Variants in RIN2 observed in about 807,000 individuals in gnomAD.
The protein encoded by RIN2 is RAB5 interacting protein 2.
A neutral mutation model predicts 78.0 loss-of-function variants in RIN2; 36 were observed. The observed-to-expected ratio is 0.46, with a 90% CI of 0.35 to 0.61. The LOEUF is 0.61. Among genes scored for constraint, RIN2 ranks in the 20% least tolerant of loss-of-function variants. RIN2 has a pLI of 0.00. For synonymous variants in RIN2, 466 were observed against 466.8 expected, an observed-to-expected ratio of 1.00 and a Z score of 0.02; for missense variants, 1,087 against 1,159.7, an observed-to-expected ratio of 0.94 and a Z score of 0.91.
rs140253219 is a variant in RIN2 at position 19,865,004 on chromosome 20, C to T, written c.-36-24562C>T. ...TCTCTTTTAAGTATCTGAAAGACTA[C>T]CTGAAAAACCTGAATTAGCTTATCC... On this transcript the variant is annotated intron_variant, in intron 2 of 12. Coordinates refer to ENST00000255006, the MANE Select transcript of RIN2 (RefSeq NM_018993.4). Among the ~76,000 whole-genome samples, 812 of 152,224 alleles carry T rather than the reference C, an allele frequency of 5.3e-3. 5 individuals carry two copies. Among genetic ancestry groups the T allele is most frequent in the Middle Eastern group, 0.037 (11 of 294 alleles).
intron 4 of RIN2, among the ~76,000 whole-genome samples, chr20:19,947,674 T>G (rs2041148892): frequency 2.0e-5 from 3 of 152,254 alleles, no homozygotes; most frequent in Non-Finnish European, 4.4e-5. Flanking sequence ...GTCTAGGAGA[T>G]TCCCGGAAAC....
intron 2 of RIN2, among the ~76,000 whole-genome samples, chr20:19,888,743 C>T (rs559757334): frequency 1.4e-3 from 218 of 152,334 alleles, no homozygotes; most frequent in African/African-American, 5.1e-3. Flanking sequence ...TCCCCCAGGC[C>T]CCCCTCAATG....
At chr20:19,810,173 T>C (rs1407088160) in intron 2 of RIN2, among the ~76,000 whole-genome samples, 1 of 148,398 alleles carries the variant, frequency 6.7e-6, no homozygotes, top group Non-Finnish European at 1.5e-5. Context: ...CCAAGGCAGG[T>C]GGATTTCTTG....
intron 2 of RIN2, among the ~76,000 whole-genome samples, chr20:19,885,761 C>A (rs1361022640): frequency 6.6e-6 from 1 of 150,668 alleles, no homozygotes; most frequent in Admixed American, 6.6e-5. Context: ...GCACTCAGAA[C>A]AAAAAAAAGC....
rs759945760 is a variant in RIN2 at position 19,975,834 on chromosome 20, C to G, written c.1762+47C>G. The G allele has an allele frequency of 8.0e-6, 12 of 1,500,542 alleles. No homozygotes were observed. Among genetic ancestry groups the G allele is most frequent in the South Asian group, 1.2e-5 (1 of 83,240 alleles). The allele number at this position is 1,500,542 out of a possible 1,614,324, so 93.0% of individuals were successfully genotyped here. A position where few individuals can be genotyped will look rare whatever the true frequency, so the allele number is the denominator to read the frequency against. On this transcript the variant is annotated intron_variant, in intron 9 of 12. Coordinates refer to ENST00000255006, the MANE Select transcript of RIN2 (RefSeq NM_018993.4). The surrounding 1 kb of genome is among the most constrained non-coding windows in gnomAD (Gnocchi z 4.9). ...ATATAAAATCTATTGTAACTCTGTC[C>G]GGGCAGTGCAACCTATGTTTGTTAT... is the stretch of plus-strand genomic sequence containing the variant.
intron 2 of RIN2, among the ~76,000 whole-genome samples, chr20:19,843,787 A>G (rs2036652448): frequency 6.6e-6 from 1 of 152,238 alleles, no homozygotes; most frequent in South Asian, 2.1e-4. Context: ...AAATATAGTC[A>G]CTTTTCTTTA....
chr20:19,838,276 T>A (rs867641409), intron 2 of RIN2, among the ~76,000 whole-genome samples: 1 of 148,494 alleles, frequency 6.7e-6, no homozygotes, highest in Non-Finnish European at 1.5e-5. Context: ...AAGAGAGATA[T>A]GGCCTGGTTA....
intron 2 of RIN2, among the ~76,000 whole-genome samples, chr20:19,826,975 GT>G (rs11482314): frequency 4.7e-4 from 61 of 128,640 alleles, no homozygotes; most frequent in Non-Finnish European, 7.5e-4. Context: ...TTGGTTTTGG[GT>G]TTTTTTTTTT....
intron 2 of RIN2, among the ~76,000 whole-genome samples, chr20:19,883,252 G>A (rs529015550): frequency 1.3e-5 from 2 of 152,228 alleles, no homozygotes; most frequent in African/African-American, 4.8e-5. Flanking sequence ...GATGCCTCAG[G>A]AGGCTAATTC....
At chr20:19,920,157 A>G (rs556115459) in intron 3 of RIN2, among the ~76,000 whole-genome samples, 24 of 152,014 alleles carry the variant, frequency 1.6e-4, no homozygotes, top group Non-Finnish European at 2.7e-4. Context: ...TTAGCCAGGC[A>G]TGGTGGCGGG....
chr20:19,880,392 C>CTTTT (rs33934712), intron 2 of RIN2, among the ~76,000 whole-genome samples: 6 of 57,388 alleles, frequency 1.0e-4, no homozygotes, highest in African/African-American at 3.0e-4. Context: ...GGAAGTCATT[C>CTTTT]TTTTTTTTTT....
intron 2 of RIN2, among the ~76,000 whole-genome samples, chr20:19,842,796 A>G (rs2036622632): frequency 6.6e-6 from 1 of 152,048 alleles, no homozygotes; most frequent in South Asian, 2.1e-4. Flanking sequence ...TACATTTTGT[A>G]AGGCTATAGC....
intron 3 of RIN2, among the ~76,000 whole-genome samples, chr20:19,920,072 A>G (rs1222338975): frequency 6.6e-6 from 1 of 152,124 alleles, no homozygotes; most frequent in Non-Finnish European, 1.5e-5. Flanking sequence ...AGGCGGGCAG[A>G]TCACAAGGTC....
At chr20:19,985,784 A>G (rs769723149) in intron 9 of RIN2, among the ~76,000 whole-genome samples, 3 of 152,212 alleles carry the variant, frequency 2.0e-5, no homozygotes, top group Non-Finnish European at 2.9e-5. Flanking sequence ...TAAAGGTTTC[A>G]GGTGTTTGTT....
At chr20:19,782,099 C>T (rs1257533249) in intron 1 of RIN2, among the ~76,000 whole-genome samples, 1 of 152,116 alleles carries the variant, frequency 6.6e-6, no homozygotes. Context: ...GTCCACAGGC[C>T]CGTATCAGAC....
At chr20:19,920,046 G>A (rs2039847443) in intron 3 of RIN2, among the ~76,000 whole-genome samples, 2 of 152,134 alleles carry the variant, frequency 1.3e-5, no homozygotes, top group Non-Finnish European at 2.9e-5. Context: ...TGTAATCCCA[G>A]CACTTTGGGA....
chr20:19,801,481 C>T (rs888555504), intron 2 of RIN2, among the ~76,000 whole-genome samples: 1 of 151,938 alleles, frequency 6.6e-6, no homozygotes, highest in Non-Finnish European at 1.5e-5. Context: ...CCACCACGCC[C>T]GGCTAATTTT....
intron 3 of RIN2, among the ~76,000 whole-genome samples, chr20:19,910,056 C>A (rs1360337874): frequency 1.3e-5 from 2 of 152,220 alleles, no homozygotes; most frequent in Non-Finnish European, 2.9e-5. Context: ...GATTTCCCAA[C>A]AGGAAGAATG....
At chr20:19,819,571 T>A (rs1168750412) in intron 2 of RIN2, among the ~76,000 whole-genome samples, 2 of 152,218 alleles carry the variant, frequency 1.3e-5, no homozygotes, top group African/African-American at 4.8e-5. Context: ...TGAGACAAGG[T>A]CTCACCGAGG....
Sources: allele counts gnomAD v4.1 joint callset (sites outside exome capture counted in the v4.1 genomes callset), GRCh38; gene constraint gnomAD v4.1.1; non-coding constraint Gnocchi (gnomAD v3.1); transcripts MANE v1.5; gene names NCBI Gene and HGNC (gene_info 2026-07-23, HGNC 2026-07-21).